The following GORAB variants were observed in gnomAD, a reference collection of about 807,000 sequenced individuals.
GORAB encodes RAB6-interacting golgin.
A neutral mutation model predicts 29.9 loss-of-function variants in GORAB; 17 were observed. That is an observed-to-expected ratio of 0.57 (90% CI 0.39 to 0.85). The LOEUF (loss-of-function observed/expected upper bound fraction) is 0.85. Ranked by LOEUF, GORAB falls within the 40% of genes least tolerant of loss-of-function variation. The pLI is 0.00. For missense variants in GORAB, 442 were observed against 437.8 expected (o/e 1.01, Z -0.09); for synonymous variants, 183 against 157.2 (o/e 1.16, Z -1.23).
intron 4 of GORAB, among the ~76,000 whole-genome samples, chr1:170,546,118 C>T (rs534433551): frequency 7.2e-5 from 11 of 152,164 alleles, no homozygotes; most frequent in South Asian, 6.2e-4. Flanking sequence ...AGGCCGGGCA[C>T]GGTGGCTCAC....
At chr1:170,538,389 T>G (rs551520149) in intron 1 of GORAB, among the ~76,000 whole-genome samples, 9 of 152,368 alleles carry the variant, frequency 5.9e-5, no homozygotes, top group African/African-American at 1.9e-4. Context: ...GAGAGAATGC[T>G]ATTTATAGAT....
At chr1:170,547,587 C>T (rs1649840986) in intron 4 of GORAB, among the ~76,000 whole-genome samples, 1 of 152,128 alleles carries the variant, frequency 6.6e-6, no homozygotes, top group South Asian at 2.1e-4. Flanking sequence ...TTCATAGACA[C>T]CCTCATACAT....
In GORAB at chr1:170,532,298, T is replaced by C. The variant is rs1648728924; in HGVS notation, c.61+14T>C. 1 of 1,613,212 alleles carries C rather than the reference T, an allele frequency of 6.2e-7. No homozygotes were observed. The highest frequency in any genetic ancestry group is 8.5e-7 in the Non-Finnish European group (1 of 1,179,480). ...AGCAGACTAAAGGTTACAAGATGGG[T>C]TTACAGTGGTTTAATTCTTGGGTCT... On this transcript the variant is annotated intron_variant, in intron 1 of 4. Transcript: ENST00000367763.
intron 3 of GORAB, 118 bp downstream of exon 3, chr1:170,542,710 T>C: frequency 1.3e-6 from 1 of 773,684 alleles, no homozygotes; most frequent in Middle Eastern, 2.3e-4. Flanking sequence ...ACCATTACTT[T>C]TAAGACTAAC....
chr1:170,541,189 G>T (rs886175141), intron 2 of GORAB, among the ~76,000 whole-genome samples: 2 of 99,572 alleles, frequency 2.0e-5, no homozygotes, highest in African/African-American at 4.0e-5. Flanking sequence ...GGGCAACAGA[G>T]CAAGATTCTG....
At chr1:170,534,537 A>G (rs901084951) in intron 1 of GORAB, among the ~76,000 whole-genome samples, 9 of 152,170 alleles carry the variant, frequency 5.9e-5, no homozygotes, top group Non-Finnish European at 7.4e-5. Flanking sequence ...CACGCACTCA[A>G]TAACAGTATT....
intron 4 of GORAB, chr1:170,545,716 A>G (rs1649715515): frequency 1.0e-6 from 1 of 985,074 alleles, no homozygotes; most frequent in Non-Finnish European, 1.2e-6. Context: ...CAACATCAGA[A>G]TGTTTATATA....
rs1422704608 is a variant in GORAB, at chr1:170,539,444, A to G, written c.296A>G (p.Gln99Arg). 2 of 1,614,138 alleles carry G rather than the reference A, an allele frequency of 1.2e-6. No homozygotes were observed. ...FTLTSPVGDG[Q>R]PQGIESQPKE... ...CTCACCTCCCCCGTTGGTGATGGAC[A>G]ACCACAGGGCATTGAAAGTCAGCCA... Residue 99 changes from glutamine (Q) to arginine (R), a missense_variant, in exon 2 of 5, where the codon CAA becomes CGA. Gln to Arg is a conservative substitution (Grantham distance 43, BLOSUM62 1). Coordinates refer to ENST00000367763, the MANE Select transcript of GORAB (RefSeq NM_152281.3).
At chr1:170,547,904 C>A (rs1354917181) in intron 4 of GORAB, among the ~76,000 whole-genome samples, 2 of 152,162 alleles carry the variant, frequency 1.3e-5, no homozygotes, top group African/African-American at 2.4e-5. Context: ...ATATTTTTTA[C>A]TGACTGATTC....
intron 4 of GORAB, among the ~76,000 whole-genome samples, chr1:170,549,481 A>C (rs897764446): frequency 6.6e-5 from 10 of 152,366 alleles, no homozygotes; most frequent in African/African-American, 2.4e-4. Context: ...ATTTCAATTC[A>C]GTATTCATGA....
chr1:170,537,902 T>A (rs573086532), intron 1 of GORAB, among the ~76,000 whole-genome samples: 1 of 152,344 alleles, frequency 6.6e-6, no homozygotes, highest in African/African-American at 2.4e-5. Context: ...GAACTATTAA[T>A]AATTCAGCTA....
chr1:170,549,693 A>G (rs1030457786), intron 4 of GORAB, among the ~76,000 whole-genome samples: 2 of 152,360 alleles, frequency 1.3e-5, no homozygotes, highest in East Asian at 3.9e-4. Context: ...GGTATCCAGT[A>G]GAGTTCCTTT....
In GORAB at chr1:170,547,419, CTGCTACT is replaced by C. The variant is rs1489577832; in HGVS notation, c.662+2575_662+2581del. 2.2e-4 allele frequency among the ~76,000 whole-genome samples: 29 copies of C among 134,614 alleles called. No individual in the cohort carries two copies. The South Asian group carries it at 5.6e-3, about 26-fold the overall frequency. The allele number at this position is 134,614 out of a possible 152,430, so 88.3% of individuals were successfully genotyped here. ...GTTGCTGCTGCTGCTGCTGCTACTG[CTGCTACT>C]GCTGCTACTGCTGCTACTGCTGCTA... On this transcript the variant is annotated intron_variant, in intron 4 of 4. Transcript: ENST00000367763.
At position 170,545,417 on chromosome 1, in the gene GORAB, AAT is replaced by A. The variant is rs950641070; in HGVS notation, c.662+577_662+578del. 17 of 951,886 alleles carry A rather than the reference AAT, an allele frequency of 1.8e-5. No individual in the cohort carries two copies. In the East Asian group the frequency reaches 8.1e-4, roughly 45 times the overall value. 59.0% of individuals were successfully genotyped at this position (951,886 alleles called of 1,614,324 possible). On this transcript the variant is annotated intron_variant, in intron 4 of 4. Coordinates refer to ENST00000367763, the MANE Select transcript of GORAB (RefSeq NM_152281.3). ...AATTATACTCTGTATGAAATGGTTT[AAT>A]ATATGTTTCCTTGGTTTCAACCATT...
intron 1 of GORAB, among the ~76,000 whole-genome samples, chr1:170,538,137 G>C (rs564305509): frequency 6.6e-6 from 1 of 152,268 alleles, no homozygotes; most frequent in Non-Finnish European, 1.5e-5. Context: ...AGTAGAGCAG[G>C]TTAATTTTCA....
intron 1 of GORAB, 88 bp from the exon 2 acceptor site, chr1:170,539,122 G>A (rs946528163): frequency 3.0e-5 from 45 of 1,509,494 alleles, no homozygotes; most frequent in South Asian, 9.1e-5. Flanking sequence ...AATTATCAAC[G>A]TTTAATGTTA....
Position 170,545,209 on chromosome 1 carries a change from A to C in GORAB, c.662+364A>C, listed in dbSNP as rs539930083. On this transcript the variant is annotated intron_variant, in intron 4 of 4. Coordinates refer to ENST00000367763, the MANE Select transcript of GORAB (RefSeq NM_152281.3). The stretch of plus-strand genomic sequence containing the variant: ...CGCCAAAACTGTTACTCTGACACCA[A>C]GTCTGTGTTCTTTCCATTAAAATTT... The C allele has an allele frequency of 1.8e-5, 18 of 1,005,196 alleles. No homozygotes were observed. The African/African-American group carries it at 2.2e-4, about 12-fold the overall frequency. 62.3% of individuals were successfully genotyped at this position (1,005,196 alleles called of 1,614,324 possible).
In GORAB at chr1:170,552,217, G is replaced by A; in HGVS notation, c.865G>A (p.Val289Ile). 1 of 1,614,148 alleles carries A rather than the reference G, an allele frequency of 6.2e-7. No individual in the cohort carries two copies. The highest frequency in any genetic ancestry group is 8.5e-7 in the Non-Finnish European group (1 of 1,179,994). The change falls in exon 5 of 5, where the codon GTC (valine) becomes ATC (isoleucine). Residue 289 changes from valine (V) to isoleucine (I), a missense_variant. By Grantham distance (29) the Val-to-Ile change is conservative (BLOSUM62 3). Coordinates refer to ENST00000367763, the MANE Select transcript of GORAB (RefSeq NM_152281.3). ...DEETLELEVEVERLLHEQEVE... is the reference protein window; with the variant it reads ...DEETLELEVEIERLLHEQEVE... ...AGAGACTTTGGAGCTTGAGGTGGAG[G>A]TCGAGAGATTGCTACACGAACAAGA...
intron 2 of GORAB, 120 bp from the exon 3 acceptor site, chr1:170,542,371 A>G (rs897731878): frequency 4.5e-6 from 3 of 660,184 alleles, no homozygotes; most frequent in South Asian, 1.7e-5. Flanking sequence ...GAAAGAACAT[A>G]TACATAAATC....
Sources: allele counts gnomAD v4.1 joint callset (sites outside exome capture counted in the v4.1 genomes callset), GRCh38; gene constraint gnomAD v4.1.1; transcripts MANE v1.5; gene names NCBI Gene and HGNC (gene_info 2026-07-23, HGNC 2026-07-21).